The following ZFPM2 variants were observed in gnomAD, a reference collection of about 807,000 sequenced individuals.
ZFPM2 encodes the protein zinc finger protein, FOG family member 2, also known as zinc finger protein ZFPM2.
ZFPM2 carries 20 observed loss-of-function variants against 98.6 expected under a neutral mutation model. The observed-to-expected ratio is 0.20, with a 90% CI of 0.14 to 0.29. ZFPM2 has a LOEUF of 0.29. ZFPM2 is among the 10% of genes least tolerant of loss of function. ZFPM2 has a pLI of 1.00. For synonymous variants in ZFPM2, 518 were observed against 502.7 expected (o/e 1.03, Z -0.41); for missense variants, 1,310 against 1,388.6 (o/e 0.94, Z 0.90).
chr8:105,444,793 G>A (rs1480593390), intron 3 of ZFPM2, among the ~76,000 whole-genome samples: 3 of 152,070 alleles, frequency 2.0e-5, no homozygotes, highest in Non-Finnish European at 4.4e-5. Flanking sequence ...ATATTTAGAA[G>A]TTTAGAAAAT....
chr8:105,797,258 G>C (rs1813858122), intron 6 of ZFPM2: 1 of 152,170 alleles, frequency 6.6e-6, no homozygotes, highest in Non-Finnish European at 1.5e-5. Context: ...AAACACACGT[G>C]AAGAAATTTA....
chr8:105,475,014 A>C (rs1812984523), intron 3 of ZFPM2, among the ~76,000 whole-genome samples: 1 of 152,232 alleles, frequency 6.6e-6, no homozygotes, highest in Admixed American at 6.5e-5. Flanking sequence ...ATAAGCAAAT[A>C]AAATGTGGAT....
chr8:105,459,861 A>G (rs1384997699), intron 3 of ZFPM2, among the ~76,000 whole-genome samples: 1 of 152,170 alleles, frequency 6.6e-6, no homozygotes, highest in African/African-American at 2.4e-5. Context: ...AGTTCAGTCC[A>G]TAGTGGAGTG....
chr8:105,330,553 C>CATATATATATATAT (rs61051244), intron 1 of ZFPM2, among the ~76,000 whole-genome samples: 1 of 92,406 alleles, frequency 1.1e-5, no homozygotes, highest in Non-Finnish European at 2.2e-5. Flanking sequence ...TATATATATA[C>CATATATATATATAT]ATATATATAT....
chr8:105,599,885 A>T (rs13278631), intron 4 of ZFPM2, among the ~76,000 whole-genome samples: 16,846 of 152,040 alleles, frequency 0.11, 1,128 homozygotes, highest in South Asian at 0.21. Flanking sequence ...TAAAAAAAAA[A>T]TTCTCCACCT....
In ZFPM2 at chr8:105,403,992, AAACAACAACAAC is replaced by A. The variant is rs58138715; in HGVS notation, c.41-15111_41-15100del. Among the ~76,000 whole-genome samples, 571 of 147,730 alleles carry A rather than the reference AAACAACAACAAC, an allele frequency of 3.9e-3. 5 individuals are homozygous for A. In the East Asian group the frequency reaches 0.046, roughly 12 times the overall value. ...GGGACTTTGATGGTTATTGGTGTTA[AAACAACAACAAC>A]AACAACAACAACAACAACAACAACA... is the stretch of plus-strand genomic sequence containing the variant. On this transcript the variant is annotated intron_variant, in intron 1 of 7. Transcript: ENST00000407775.
intron 5 of ZFPM2, among the ~76,000 whole-genome samples, chr8:105,773,438 A>T (rs1813027774): frequency 6.6e-6 from 1 of 152,128 alleles, no homozygotes; most frequent in African/African-American, 2.4e-5. Context: ...GCACAGTATT[A>T]AAGTTTTCTG....
At chr8:105,715,940 C>T (rs955834336) in intron 5 of ZFPM2, among the ~76,000 whole-genome samples, 2 of 151,854 alleles carry the variant, frequency 1.3e-5, no homozygotes, top group African/African-American at 4.8e-5. Context: ...AACACTGGTT[C>T]TTCATCTTAT....
intron 6 of ZFPM2, chr8:105,798,381 T>C (rs200526795): frequency 2.4e-4 from 40 of 164,930 alleles, no homozygotes; most frequent in African/African-American, 6.9e-4. Context: ...ACCCAGGAGG[T>C]AGAGGTTGCA....
chr8:105,502,855 A>G (rs1381407982), intron 3 of ZFPM2, among the ~76,000 whole-genome samples: 1 of 152,166 alleles, frequency 6.6e-6, no homozygotes, highest in Non-Finnish European at 1.5e-5. Flanking sequence ...TTCATACTCC[A>G]CGGTTGATTA....
At chr8:105,791,863 C>A (rs1586271547) in intron 6 of ZFPM2, among the ~76,000 whole-genome samples, 1 of 152,272 alleles carries the variant, frequency 6.6e-6, no homozygotes, top group South Asian at 2.1e-4. Context: ...TCTAGATTTT[C>A]TAGTTTATTT....
At chr8:105,676,625 A>G (rs1282201615) in intron 5 of ZFPM2, among the ~76,000 whole-genome samples, 1 of 152,092 alleles carries the variant, frequency 6.6e-6, no homozygotes, top group Non-Finnish European at 1.5e-5. Flanking sequence ...TTATATTCTG[A>G]TATTTAGAAA....
intron 5 of ZFPM2, among the ~76,000 whole-genome samples, chr8:105,653,024 T>C (rs1398599623): frequency 1.3e-5 from 2 of 152,200 alleles, no homozygotes; most frequent in South Asian, 4.1e-4. Flanking sequence ...ACCTTAACCC[T>C]GTGGAAGCAA....
At chr8:105,398,885 A>T (rs1811277967) in intron 1 of ZFPM2, among the ~76,000 whole-genome samples, 1 of 152,130 alleles carries the variant, frequency 6.6e-6, no homozygotes. Context: ...GTGCTGAGAT[A>T]GAGAGAGAGG....
At chr8:105,539,174 C>T (rs1814524226) in intron 3 of ZFPM2, among the ~76,000 whole-genome samples, 1 of 152,138 alleles carries the variant, frequency 6.6e-6, no homozygotes, top group Non-Finnish European at 1.5e-5. Context: ...TGCTGAACAG[C>T]TCAATAATAT....
At chr8:105,512,055 G>T (rs1446858539) in intron 3 of ZFPM2, among the ~76,000 whole-genome samples, 1 of 152,124 alleles carries the variant, frequency 6.6e-6, no homozygotes, top group African/African-American at 2.4e-5. Flanking sequence ...CTGAGGCAGA[G>T]AGTTTCTTGA....
intron 1 of ZFPM2, among the ~76,000 whole-genome samples, chr8:105,375,088 A>C (rs2098618612): frequency 6.6e-6 from 1 of 152,188 alleles, no homozygotes; most frequent in African/African-American, 2.4e-5. Flanking sequence ...ATAATTTGTG[A>C]CTATTATTTG....
chr8:105,514,766 C>CA (rs1813886854), intron 3 of ZFPM2, among the ~76,000 whole-genome samples: 1 of 152,180 alleles, frequency 6.6e-6, no homozygotes, highest in African/African-American at 2.4e-5. Context: ...GTCACAATTG[C>CA]AATTTATGTC....
At chr8:105,464,125 C>A (rs149768941) in intron 3 of ZFPM2, among the ~76,000 whole-genome samples, 2 of 152,040 alleles carry the variant, frequency 1.3e-5, no homozygotes, top group Admixed American at 1.3e-4. Context: ...AGAATTGTTC[C>A]CATAAGATCT....
Sources: allele counts gnomAD v4.1 joint callset (sites outside exome capture counted in the v4.1 genomes callset), GRCh38; gene constraint gnomAD v4.1.1; transcripts MANE v1.5; gene names NCBI Gene and HGNC (gene_info 2026-07-23, HGNC 2026-07-21).